The following PRIMPOL variants were observed in gnomAD, a reference collection of about 807,000 sequenced individuals.
The protein encoded by PRIMPOL is primase and DNA directed polymerase.
Under a neutral mutation model 63.6 loss-of-function variants are expected in PRIMPOL, and 54 were observed. That is an observed-to-expected ratio of 0.85 (90% CI 0.68 to 1.07). The LOEUF (loss-of-function observed/expected upper bound fraction) is 1.07, where lower values mean the gene tolerates loss of function less well. Among genes scored for constraint, PRIMPOL ranks in the 50% least tolerant of loss-of-function variants. The pLI, the probability that PRIMPOL is intolerant of heterozygous loss-of-function variation, is 0.00. For missense variants in PRIMPOL, 610 were observed against 648.3 expected, an observed-to-expected ratio of 0.94 and a Z score of 0.64; for synonymous variants, 197 against 220.2, an observed-to-expected ratio of 0.89 and a Z score of 0.93.
At chr4:184,691,614 T>C in intron 12 of PRIMPOL, 33 bp downstream of exon 12, 1 of 1,601,642 alleles carries the variant, frequency 6.2e-7, no homozygotes, top group Admixed American at 1.7e-5. Context: ...TACCACAAAG[T>C]AAAAATTAGA....
At chr4:184,659,030 CTA>C (rs1232359226) in intron 3 of PRIMPOL, among the ~76,000 whole-genome samples, 2 of 151,414 alleles carry the variant, frequency 1.3e-5, no homozygotes, top group Non-Finnish European at 2.9e-5. Context: ...ATTTCATAAA[CTA>C]AGAAATAAAA....
At chr4:184,662,845 A>G (rs1748737270) in intron 5 of PRIMPOL, among the ~76,000 whole-genome samples, 1 of 151,930 alleles carries the variant, frequency 6.6e-6, no homozygotes, top group Non-Finnish European at 1.5e-5. Context: ...TAAAAAATAT[A>G]TAGAATGTTA....
At position 184,667,921 on chromosome 4, in the gene PRIMPOL, G is replaced by T. The variant is rs572090651; in HGVS notation, c.556+1857G>T. On this transcript the variant is annotated intron_variant, in intron 6 of 13. Transcript: ENST00000314970. ...TTAAGACTTTCTAGGTGCATGAGCC[G>T]TGTGGTTTGTTACATTTGCAGGCTG... is the stretch of plus-strand genomic sequence containing the variant. Among the ~76,000 whole-genome samples the T allele has an allele frequency of 4.6e-5, 7 of 152,216 alleles. 1 individual carries two copies. In the South Asian group the frequency reaches 1.5e-3, roughly 32 times the overall value.
At chr4:184,682,400 G>A in intron 9 of PRIMPOL, 64 bp downstream of exon 9, 4 of 867,334 alleles carry the variant, frequency 4.6e-6, no homozygotes, top group Non-Finnish European at 3.8e-6. Context: ...CCAGGCTGGA[G>A]TGCAGTGGTG....
intron 7 of PRIMPOL, among the ~76,000 whole-genome samples, chr4:184,675,934 G>C (rs1010580534): frequency 8.5e-5 from 13 of 152,130 alleles, no homozygotes; most frequent in African/African-American, 3.1e-4. Context: ...TGTACCCTTA[G>C]TTGTGTGTTT....
At chr4:184,691,222 A>T (rs756580153) in intron 11 of PRIMPOL, 1 of 297,646 alleles carries the variant, frequency 3.4e-6, no homozygotes, top group African/African-American at 2.2e-5. Context: ...TTTTGCTCAC[A>T]TATTTTGCAG....
intron 3 of PRIMPOL, 100 bp downstream of exon 3, chr4:184,657,420 A>G (rs1746780912): frequency 2.0e-6 from 2 of 1,008,320 alleles, no homozygotes; most frequent in African/African-American, 1.6e-5. Context: ...AAAAAAGTCT[A>G]TTATTTGTCT....
intron 8 of PRIMPOL, among the ~76,000 whole-genome samples, chr4:184,678,654 A>C (rs1024735290): frequency 1.3e-5 from 2 of 151,478 alleles, no homozygotes; most frequent in African/African-American, 4.9e-5. Context: ...CAGTCTCCCA[A>C]GTAGCTGGGA....
chr4:184,665,790 C>T (rs770005311), intron 5 of PRIMPOL, 127 bp from the exon 6 acceptor site: 86 of 542,486 alleles, frequency 1.6e-4, no homozygotes, highest in Non-Finnish European at 2.2e-4. Context: ...CAGGCATGAG[C>T]CACCACGCCT....
intron 8 of PRIMPOL, among the ~76,000 whole-genome samples, chr4:184,679,414 C>G (rs1755000505): frequency 6.6e-6 from 1 of 152,118 alleles, no homozygotes; most frequent in African/African-American, 2.4e-5. Flanking sequence ...TATGAATGCA[C>G]CACTGCACTC....
intron 11 of PRIMPOL, among the ~76,000 whole-genome samples, chr4:184,687,815 C>T (rs1757388723): frequency 6.6e-6 from 1 of 151,890 alleles, no homozygotes; most frequent in Non-Finnish European, 1.5e-5. Flanking sequence ...GGGGTTTCTG[C>T]ATGTTGGTCT....
intron 3 of PRIMPOL, among the ~76,000 whole-genome samples, chr4:184,657,995 A>AAAATAAATAAATAAAT (rs58284286): frequency 1.1e-4 from 15 of 134,954 alleles, no homozygotes; most frequent in African/African-American, 3.4e-4. Flanking sequence ...CTCCATCTCA[A>AAAATAAATAAATAAAT]AAATAAATAA....
intron 6 of PRIMPOL, among the ~76,000 whole-genome samples, chr4:184,667,573 G>A (rs1750412779): frequency 6.6e-6 from 1 of 152,156 alleles, no homozygotes; most frequent in Non-Finnish European, 1.5e-5. Flanking sequence ...GCCTCCCAAA[G>A]TGCTGGGATT....
Position 184,665,514 on chromosome 4 carries a change from T to A in PRIMPOL, c.409-403T>A, listed in dbSNP as rs1289145182. Among the ~76,000 whole-genome samples the A allele has an allele frequency of 2.0e-5, 3 of 151,122 alleles. No individual in the cohort carries two copies. The East Asian group carries it at 5.8e-4, about 29-fold the overall frequency. ...AATGAATTAATGACTTTTTTTTTTT[T>A]TTTTTTTGAGATGGAGTCTCACACT... On this transcript the variant is annotated intron_variant, in intron 5 of 13. Transcript: ENST00000314970.
chr4:184,682,825 G>GACA (rs1450138115), intron 9 of PRIMPOL, among the ~76,000 whole-genome samples: 1 of 150,410 alleles, frequency 6.6e-6, no homozygotes, highest in Non-Finnish European at 1.5e-5. Context: ...TGAGGCGGGA[G>GACA]GATCACTTGA....
chr4:184,654,643 A>G (rs1045666226), intron 2 of PRIMPOL, among the ~76,000 whole-genome samples: 1 of 151,802 alleles, frequency 6.6e-6, no homozygotes, highest in African/African-American at 2.4e-5. Context: ...TAGTAGAGAC[A>G]GGGTTTCACT....
intron 13 of PRIMPOL, among the ~76,000 whole-genome samples, chr4:184,693,043 G>A (rs759325158): frequency 6.6e-6 from 1 of 152,060 alleles, no homozygotes; most frequent in Non-Finnish European, 1.5e-5. Flanking sequence ...CCTCTATAGT[G>A]TTAATAGAAT....
At chr4:184,679,217 T>C (rs1316282927) in intron 8 of PRIMPOL, among the ~76,000 whole-genome samples, 2 of 152,244 alleles carry the variant, frequency 1.3e-5, no homozygotes, top group Non-Finnish European at 2.9e-5. Context: ...CTATGTAAAT[T>C]TCCATTATAT....
chr4:184,655,386 C>G (rs181084642), intron 2 of PRIMPOL, among the ~76,000 whole-genome samples: 104 of 146,554 alleles, frequency 7.1e-4, no homozygotes, highest in South Asian at 6.5e-4. Flanking sequence ...TGCAGTGGTG[C>G]GATCTCGGCT....
Sources: allele counts gnomAD v4.1 joint callset (sites outside exome capture counted in the v4.1 genomes callset), GRCh38; gene constraint gnomAD v4.1.1; transcripts MANE v1.5; gene names NCBI Gene and HGNC (gene_info 2026-07-23, HGNC 2026-07-21).